The following CSMD2 variants were observed in gnomAD, a reference collection of about 807,000 sequenced individuals.
CSMD2 encodes the protein CUB and Sushi multiple domains 2.
A neutral mutation model predicts 398.5 loss-of-function variants in CSMD2; 130 were observed. The ratio of observed to expected loss-of-function variants is 0.33; its 90% CI spans 0.28 to 0.38. The LOEUF is 0.38. Ranked by LOEUF, CSMD2 falls within the 10% of genes least tolerant of loss-of-function variation. The probability of loss-of-function intolerance (pLI) is 1.00; values close to 1 mark genes in which losing one functional copy is unlikely to be tolerated. For synonymous variants in CSMD2, 1,828 were observed against 1,908.5 expected (o/e 0.96, Z 1.10); for missense variants, 3,829 against 4,764.9 (o/e 0.80, Z 5.78).
chr1:33,693,091 G>A, intron 24 of CSMD2, 35 bp from the exon 25 acceptor site: 2 of 1,567,112 alleles, frequency 1.3e-6, no homozygotes, highest in South Asian at 2.4e-5. Flanking sequence ...GCTTCATGGG[G>A]TGGCCTGAGC....
Position 33,635,054 on chromosome 1 carries a change from G to A in CSMD2, c.5086+160C>T, listed in dbSNP as rs546494347. ...GTGTCCGGAATGTATTCTGCAGCCC[G>A]TTTGAGAAACGTCAGCACTCGGCCG... On this transcript the variant is annotated intron_variant, in intron 31 of 70. Coordinates refer to ENST00000373381, the MANE Select transcript of CSMD2 (RefSeq NM_001281956.2). This position sits in a 1 kb window ranked among gnomAD's most constrained non-coding sequence, Gnocchi z 5.0. Among the ~76,000 whole-genome samples, 17 of 152,222 alleles carry A rather than the reference G, an allele frequency of 1.1e-4. No individual in the cohort carries two copies. The highest frequency in any genetic ancestry group is 6.5e-4 in the Admixed American group (10 of 15,306).
intron 10 of CSMD2, 138 bp downstream of exon 10, chr1:33,810,605 T>C (rs562394830): frequency 2.1e-4 from 164 of 775,080 alleles, no homozygotes; most frequent in African/African-American, 2.1e-3. Context: ...CCACTCGATA[T>C]TAATAAAAAA....
rs533561316 is a variant in CSMD2, at chr1:33,972,946, G to A, written c.518-36992C>T. Reference sequence around the variant, plus strand: ...AGCCTTCACAGCTAAAAGACTATGAGTCTCCATTCAGGCTTCTCCCTTGCA... The same window carrying A: ...AGCCTTCACAGCTAAAAGACTATGAATCTCCATTCAGGCTTCTCCCTTGCA... On this transcript the variant is annotated intron_variant, in intron 3 of 70. Coordinates refer to ENST00000373381, the MANE Select transcript of CSMD2 (RefSeq NM_001281956.2). 7.9e-5 allele frequency among the ~76,000 whole-genome samples: 12 copies of A among 152,252 alleles called. No individual in the cohort carries two copies. The South Asian group carries it at 2.5e-3, about 32-fold the overall frequency.
intron 19 of CSMD2, among the ~76,000 whole-genome samples, chr1:33,716,896 A>G (rs1646190462): frequency 6.6e-6 from 1 of 152,204 alleles, no homozygotes; most frequent in Admixed American, 6.5e-5. Context: ...GCAAGAGGAT[A>G]TACCAGACAT....
chr1:33,664,672 G>A (rs192356777), intron 25 of CSMD2, among the ~76,000 whole-genome samples: 99 of 152,006 alleles, frequency 6.5e-4, no homozygotes, highest in African/African-American at 2.3e-3. Flanking sequence ...GCGAGGTGGC[G>A]GGCGCCTGTA....
At chr1:33,555,878 C>G (rs1290433611) in intron 55 of CSMD2, among the ~76,000 whole-genome samples, 1 of 152,108 alleles carries the variant, frequency 6.6e-6, no homozygotes, top group Non-Finnish European at 1.5e-5. Flanking sequence ...ACTGGACTTG[C>G]AATATCTCCA....
At chr1:33,979,919 A>G (rs935012390) in intron 3 of CSMD2, among the ~76,000 whole-genome samples, 11 of 152,136 alleles carry the variant, frequency 7.2e-5, no homozygotes, top group Admixed American at 3.9e-4. Context: ...CTTTATAAAG[A>G]TTGACTATTG....
chr1:34,009,776 C>T (rs899965058), intron 3 of CSMD2, among the ~76,000 whole-genome samples: 3 of 152,222 alleles, frequency 2.0e-5, no homozygotes, highest in African/African-American at 2.4e-5. Context: ...TCCTCCTACC[C>T]CCACTCCCCC....
intron 4 of CSMD2, among the ~76,000 whole-genome samples, chr1:33,927,886 A>T (rs1402254216): frequency 6.6e-6 from 1 of 152,166 alleles, no homozygotes; most frequent in Non-Finnish European, 1.5e-5. Context: ...AGGATGGAAA[A>T]GTAGTTTCCA....
intron 14 of CSMD2, among the ~76,000 whole-genome samples, chr1:33,742,577 G>GCCCCC (rs143715572): frequency 2.1e-5 from 2 of 94,952 alleles, no homozygotes; most frequent in African/African-American, 1.0e-4. Context: ...CCAAGCTTCT[G>GCCCCC]CCCCCCCCCC....
chr1:33,935,673 GC>G, intron 4 of CSMD2, 86 bp downstream of exon 4: 1 of 1,363,636 alleles, frequency 7.3e-7, no homozygotes, highest in Non-Finnish European at 9.9e-7. Flanking sequence ...GTGTAGCTTT[GC>G]CCTTTGAGAC....
Position 33,521,546 on chromosome 1 carries a change from G to T in CSMD2, c.10514C>A (p.Ser3505Ter). ...GAAGGTGGCTCCGGAGGACTCTGAC[G>T]AGACCTGTGATGGTGGGGAGCACAG... ...DDHWALDGHV[S>*]SESSGATFIY... Residue 3505 changes from serine to a stop codon, truncating the protein, a stop_gained, in exon 68 of 71, where the codon TCG (serine) becomes TAG (stop). Transcript: ENST00000373381. LOFTEE classifies it high-confidence loss of function. 6.2e-7 allele frequency: 1 copy of T among 1,605,840 alleles called. No homozygotes were observed. The highest frequency in any genetic ancestry group is 8.5e-7 in the Non-Finnish European group (1 of 1,172,474).
intron 29 of CSMD2, 81 bp downstream of exon 29, chr1:33,646,567 C>G (rs1294379111): frequency 1.4e-6 from 2 of 1,470,070 alleles, no homozygotes; most frequent in Non-Finnish European, 1.9e-6. Flanking sequence ...GCCCAGGGCT[C>G]TCCTCACTAC....
At chr1:34,113,827 T>A (rs1304964332) in intron 1 of CSMD2, among the ~76,000 whole-genome samples, 1 of 152,208 alleles carries the variant, frequency 6.6e-6, no homozygotes, top group Non-Finnish European at 1.5e-5. Context: ...TTGTTTCATG[T>A]CAACCATAAA....
At chr1:33,710,380 T>A (rs1413877924) in intron 21 of CSMD2, among the ~76,000 whole-genome samples, 1 of 151,868 alleles carries the variant, frequency 6.6e-6, no homozygotes, top group African/African-American at 2.4e-5. Flanking sequence ...GCCTGGATTG[T>A]CTGTAAAATA....
chr1:33,534,284 A>T (rs1313123411), intron 62 of CSMD2, among the ~76,000 whole-genome samples: 3 of 152,206 alleles, frequency 2.0e-5, no homozygotes, highest in Non-Finnish European at 4.4e-5. Flanking sequence ...CCACAATCAC[A>T]CTGGAATGTT....
intron 3 of CSMD2, among the ~76,000 whole-genome samples, chr1:33,941,175 TG>T (rs1338027380): frequency 2.0e-5 from 3 of 152,322 alleles, no homozygotes; most frequent in South Asian, 2.1e-4. Context: ...AGATTAGCTG[TG>T]GGGAATTTTT....
At chr1:34,000,505 G>A (rs903736666) in intron 3 of CSMD2, among the ~76,000 whole-genome samples, 3 of 152,096 alleles carry the variant, frequency 2.0e-5, no homozygotes, top group Non-Finnish European at 4.4e-5. Flanking sequence ...AACCATACCG[G>A]CAATGCAGAA....
intron 64 of CSMD2, among the ~76,000 whole-genome samples, chr1:33,527,915 T>A (rs1464364916): frequency 1.5e-5 from 2 of 135,046 alleles, no homozygotes; most frequent in Admixed American, 1.7e-4. Flanking sequence ...CACTCCAGCC[T>A]GGGTGACGGA....
Sources: gnomAD v4.1 joint callset for allele counts (sites outside exome capture counted in the v4.1 genomes callset) on GRCh38, gnomAD v4.1.1 for gene constraint, Gnocchi (gnomAD v3.1) non-coding constraint, MANE v1.5 for transcripts, NCBI Gene and HGNC (gene_info 2026-07-23, HGNC 2026-07-21) for gene names.